Variants in GALNT1 observed in about 807,000 individuals in gnomAD.
GALNT1 encodes the protein GalNAc transferase 1.
A neutral mutation model predicts 65.7 loss-of-function variants in GALNT1; 17 were observed. That is an observed-to-expected ratio of 0.26 (90% CI 0.18 to 0.39). GALNT1 has a LOEUF of 0.39. GALNT1 is among the 10% of genes least tolerant of loss of function. The pLI is 1.00. For synonymous variants in GALNT1, 210 were observed against 219.7 expected (o/e 0.96, Z 0.39); for missense variants, 460 against 672.8 (o/e 0.68, Z 3.50).
At chr18:35,634,886 A>G (rs895631304) in intron 1 of GALNT1, among the ~76,000 whole-genome samples, 13 of 152,188 alleles carry the variant, frequency 8.5e-5, no homozygotes, top group African/African-American at 2.7e-4. Flanking sequence ...AAGGATAGCA[A>G]TCTTAGGCCT....
intron 3 of GALNT1, among the ~76,000 whole-genome samples, chr18:35,669,353 A>T (rs1356628837): frequency 6.6e-6 from 1 of 152,262 alleles, no homozygotes; most frequent in Non-Finnish European, 1.5e-5. Context: ...AACTTATTTC[A>T]TGAAATCAGC....
At chr18:35,676,832 G>T (rs757721144) in intron 3 of GALNT1, among the ~76,000 whole-genome samples, 3 of 152,168 alleles carry the variant, frequency 2.0e-5, no homozygotes, top group Non-Finnish European at 2.9e-5. Flanking sequence ...AGCTAACAAG[G>T]TTGAAAGAAG....
intron 1 of GALNT1, among the ~76,000 whole-genome samples, chr18:35,642,266 C>T (rs1033135420): frequency 1.2e-4 from 18 of 152,126 alleles, no homozygotes; most frequent in African/African-American, 3.4e-4. Flanking sequence ...GCTAAGCCAG[C>T]GGAATACTAT....
In GALNT1 at chr18:35,700,261, A is replaced by G. The variant is rs1222470860; in HGVS notation, c.1300-2636A>G. Among the ~76,000 whole-genome samples the G allele has an allele frequency of 2.6e-5, 4 of 152,212 alleles. 1 individual carries two copies. The highest frequency in any genetic ancestry group is 2.0e-4 in the Admixed American group (3 of 15,288). ...GTCCCTTCAGCTACAAAGAAGCCAC[A>G]TATTTGTTGAGCCAAACAGAATCCT... On this transcript the variant is annotated intron_variant, in intron 9 of 11. Transcript: ENST00000269195.
intron 1 of GALNT1, among the ~76,000 whole-genome samples, chr18:35,584,635 A>G (rs949172980): frequency 2.6e-5 from 4 of 152,226 alleles, no homozygotes; most frequent in African/African-American, 4.8e-5. Context: ...TTTGTGGAAG[A>G]CAGTTTTTCC....
Position 35,692,338 on chromosome 18 carries a change from A to T in GALNT1, c.1299+18A>T. On this transcript the variant is annotated intron_variant, in intron 9 of 11. Transcript: ENST00000269195. ...TGGGAGAGGTAAGAAATATATATAT[A>T]TATATTCTATGTGGTTATTATGTTC... The T allele has an allele frequency of 7.0e-7, 1 of 1,435,068 alleles. No homozygotes were observed. Among genetic ancestry groups the T allele is most frequent in the Non-Finnish European group, 9.4e-7 (1 of 1,063,186 alleles). The allele number at this position is 1,435,068 out of a possible 1,614,324, so 88.9% of individuals were successfully genotyped here.
intron 1 of GALNT1, among the ~76,000 whole-genome samples, chr18:35,611,901 A>G (rs1303430321): frequency 2.6e-5 from 4 of 152,238 alleles, no homozygotes; most frequent in African/African-American, 7.2e-5. Flanking sequence ...GTTTCCCACA[A>G]AGCTTCTGTT....
intron 1 of GALNT1, among the ~76,000 whole-genome samples, chr18:35,606,830 T>A (rs4799392): frequency 5.3e-4 from 28 of 53,050 alleles, no homozygotes; most frequent in South Asian, 2.6e-3. Flanking sequence ...TTTGTGTGTG[T>A]GTGTGTGTGT....
chr18:35,676,828 C>G (rs546115241), intron 3 of GALNT1, among the ~76,000 whole-genome samples: 1 of 152,244 alleles, frequency 6.6e-6, no homozygotes, highest in East Asian at 1.9e-4. Context: ...ATCTAGCTAA[C>G]AAGGTTGAAA....
chr18:35,691,258 G>T (rs1013732908), intron 8 of GALNT1, 66 bp downstream of exon 8: 102 of 1,415,820 alleles, frequency 7.2e-5, no homozygotes, highest in Non-Finnish European at 8.1e-5. Context: ...TGGAGGAGAA[G>T]TAAGAAGGTT....
intron 1 of GALNT1, among the ~76,000 whole-genome samples, chr18:35,611,545 A>G (rs563462501): frequency 2.0e-5 from 3 of 152,360 alleles, no homozygotes; most frequent in South Asian, 4.1e-4. Flanking sequence ...CTCTCTTTAT[A>G]CATCTGAGAG....
chr18:35,651,099 C>G (rs1310974216), intron 1 of GALNT1, among the ~76,000 whole-genome samples: 1 of 152,156 alleles, frequency 6.6e-6, no homozygotes, highest in African/African-American at 2.4e-5. Context: ...TTCAGCTGGT[C>G]CCTCCGTTCG....
At chr18:35,682,909 A>T (rs554121329) in intron 4 of GALNT1, among the ~76,000 whole-genome samples, 3 of 454 alleles carry the variant, frequency 6.6e-3, no homozygotes, top group East Asian at 0.091. Context: ...CCCCCTGATT[A>T]AAAAAAAAAA....
chr18:35,663,496 C>T (rs924672391), intron 2 of GALNT1, 132 bp from the exon 3 acceptor site: 2 of 868,294 alleles, frequency 2.3e-6, no homozygotes, highest in Non-Finnish European at 3.5e-6. Context: ...GGTTAACAGC[C>T]TAGGAGAGGG....
At position 35,710,032 on chromosome 18, in the gene GALNT1, T is replaced by C. The variant is rs944361751; in HGVS notation, c.*262T>C. 2.8e-6 allele frequency: 1 copy of C among 353,558 alleles called. No homozygotes were observed. The highest frequency in any genetic ancestry group is 5.2e-6 in the Non-Finnish European group (1 of 192,744). 21.9% of individuals were successfully genotyped at this position (353,558 alleles called of 1,614,324 possible). A position where few individuals can be genotyped will look rare whatever the true frequency, so the allele number is the denominator to read the frequency against. On this transcript the variant is annotated 3_prime_UTR_variant, in exon 12 of 12. Coordinates refer to ENST00000269195, the MANE Select transcript of GALNT1 (RefSeq NM_020474.4). ...GATTGAAAGAGTCTTTCTCCGAAAA[T>C]CATGGTAAAGAATACTGAGACAATG...
At chr18:35,656,463 T>C (rs1305357652) in intron 2 of GALNT1, among the ~76,000 whole-genome samples, 1 of 152,186 alleles carries the variant, frequency 6.6e-6, no homozygotes, top group Non-Finnish European at 1.5e-5. Context: ...AGGAATGCCT[T>C]GGGGTGTCTG....
At chr18:35,659,248 G>A (rs991123071) in intron 2 of GALNT1, among the ~76,000 whole-genome samples, 2 of 152,172 alleles carry the variant, frequency 1.3e-5, no homozygotes, top group Admixed American at 6.5e-5. Context: ...ATGGATTGAT[G>A]TCATTGTGAT....
chr18:35,686,969 A>G, intron 5 of GALNT1, 47 bp from the exon 6 acceptor site: 1 of 1,564,120 alleles, frequency 6.4e-7, no homozygotes, highest in Admixed American at 1.8e-5. Flanking sequence ...GTTGGCATTA[A>G]ACAGGAATGT....
At chr18:35,656,453 A>G (rs189031157) in intron 2 of GALNT1, among the ~76,000 whole-genome samples, 3 of 152,358 alleles carry the variant, frequency 2.0e-5, no homozygotes, top group Non-Finnish European at 4.4e-5. Flanking sequence ...GTAGAAAGGA[A>G]GGAATGCCTT....
Sources: allele counts gnomAD v4.1 joint callset (sites outside exome capture counted in the v4.1 genomes callset), GRCh38; gene constraint gnomAD v4.1.1; transcripts MANE v1.5; gene names NCBI Gene and HGNC (gene_info 2026-07-23, HGNC 2026-07-21).